Variants in MTF2 observed in about 807,000 individuals in gnomAD.
The protein encoded by MTF2 is metal-response element-binding transcription factor 2.
MTF2 carries 11 observed loss-of-function variants against 79.5 expected under a neutral mutation model. The observed-to-expected ratio is 0.14, with a 90% CI of 0.09 to 0.23. The LOEUF is 0.23. Among genes scored for constraint, MTF2 ranks in the 10% least tolerant of loss-of-function variants. The pLI is 1.00. For synonymous variants in MTF2, 208 were observed against 232.8 expected, an observed-to-expected ratio of 0.89 and a Z score of 0.97; for missense variants, 486 against 711.2, an observed-to-expected ratio of 0.68 and a Z score of 3.60.
chr1:93,094,010 T>G (rs1655180185), intron 1 of MTF2, among the ~76,000 whole-genome samples: 1 of 152,234 alleles, frequency 6.6e-6, no homozygotes, highest in Admixed American at 6.5e-5. Flanking sequence ...CTATAATGAT[T>G]ATTATTCTCA....
chr1:93,127,446 G>C, intron 10 of MTF2, 147 bp downstream of exon 10: 1 of 547,962 alleles, frequency 1.8e-6, no homozygotes, highest in Non-Finnish European at 3.2e-6. Context: ...ATTTTAGTTA[G>C]ATTAAAGCAG....
chr1:93,122,839 A>C (rs951144814), intron 9 of MTF2, among the ~76,000 whole-genome samples: 27 of 152,122 alleles, frequency 1.8e-4, no homozygotes, highest in Admixed American at 7.2e-4. Context: ...ATTGGATTTT[A>C]GGGTGAGTTT....
In MTF2 at chr1:93,137,101, G is replaced by T; in HGVS notation, c.*74G>T. The T allele has an allele frequency of 3.9e-6, 5 of 1,273,378 alleles. No individual in the cohort carries two copies. Among genetic ancestry groups the T allele is most frequent in the Admixed American group, 2.3e-5 (1 of 43,028 alleles). 78.9% of individuals were successfully genotyped at this position (1,273,378 alleles called of 1,614,324 possible). On this transcript the variant is annotated 3_prime_UTR_variant, in exon 15 of 15. Coordinates refer to ENST00000370298, the MANE Select transcript of MTF2 (RefSeq NM_007358.4). ...CAGTTCAAAGCCCTAAAGGAGTCTGGCTTTTACTATCTTTCTTAAAAAAAA... is the reference window on the plus strand; with the variant it reads ...CAGTTCAAAGCCCTAAAGGAGTCTGTCTTTTACTATCTTTCTTAAAAAAAA...
At position 93,137,089 on chromosome 1, in the gene MTF2, T is replaced by A; in HGVS notation, c.*62T>A. ...TTTCTGTAGGTACAGTTCAAAGCCC[T>A]AAAGGAGTCTGGCTTTTACTATCTT... On this transcript the variant is annotated 3_prime_UTR_variant, in exon 15 of 15. Coordinates refer to ENST00000370298, the MANE Select transcript of MTF2 (RefSeq NM_007358.4). 3 of 1,355,280 alleles carry A rather than the reference T, an allele frequency of 2.2e-6. No individual in the cohort carries two copies. Among genetic ancestry groups the A allele is most frequent in the South Asian group, 1.4e-5 (1 of 71,094 alleles). The allele number at this position is 1,355,280 out of a possible 1,614,324, so 84.0% of individuals were successfully genotyped here. A position where few individuals can be genotyped will look rare whatever the true frequency, so the allele number is the denominator to read the frequency against.
intron 1 of MTF2, among the ~76,000 whole-genome samples, chr1:93,081,736 C>T (rs1486777378): frequency 6.6e-6 from 1 of 152,124 alleles, no homozygotes; most frequent in East Asian, 1.9e-4. Flanking sequence ...AGTACAGTAG[C>T]CACTAGCTGC....
At chr1:93,111,237 C>G (rs1656016552) in intron 3 of MTF2, among the ~76,000 whole-genome samples, 1 of 152,032 alleles carries the variant, frequency 6.6e-6, no homozygotes, top group Non-Finnish European at 1.5e-5. Context: ...GATGTTTTAC[C>G]AGGTACCTCT....
At chr1:93,090,008 G>C (rs1347095322) in intron 1 of MTF2, among the ~76,000 whole-genome samples, 1 of 151,664 alleles carries the variant, frequency 6.6e-6, no homozygotes, top group African/African-American at 2.4e-5. Flanking sequence ...ATGGAGTCTC[G>C]CTCTGTCCCC....
intron 10 of MTF2, 111 bp from the exon 11 acceptor site, chr1:93,129,167 T>C: frequency 1.6e-6 from 1 of 645,070 alleles, no homozygotes; most frequent in Non-Finnish European, 2.4e-6. Context: ...ATTTTTGTAG[T>C]ATTGGGTGGG....
At chr1:93,092,115 TCTC>T (rs1655097676) in intron 1 of MTF2, among the ~76,000 whole-genome samples, 1 of 152,188 alleles carries the variant, frequency 6.6e-6, no homozygotes, top group Non-Finnish European at 1.5e-5. Flanking sequence ...TGGTTTTTCT[TCTC>T]TTGAAATTTT....
At position 93,137,300 on chromosome 1, in the gene MTF2, A is replaced by C; in HGVS notation, c.*273A>C. On this transcript the variant is annotated 3_prime_UTR_variant, in exon 15 of 15. Transcript: ENST00000370298. Reference sequence around the variant, plus strand: ...GGATAGGATATTAAAAATGATTGAAACCCATGCATGGTGTTAGACAATTTT... The same window carrying C: ...GGATAGGATATTAAAAATGATTGAACCCCATGCATGGTGTTAGACAATTTT... The C allele has an allele frequency of 3.7e-6, 1 of 271,862 alleles. No homozygotes were observed. 16.8% of individuals were successfully genotyped at this position (271,862 alleles called of 1,614,324 possible). A position where few individuals can be genotyped will look rare whatever the true frequency, so the allele number is the denominator to read the frequency against.
intron 1 of MTF2, among the ~76,000 whole-genome samples, chr1:93,091,123 T>C (rs1557542159): frequency 6.6e-6 from 1 of 152,200 alleles, no homozygotes; most frequent in Non-Finnish European, 1.5e-5. Flanking sequence ...CTAAACCCCA[T>C]GCAGTCTGGC....
In MTF2 at chr1:93,115,074, GCAA is replaced by G. The variant is rs1273039199; in HGVS notation, c.479_481del (p.Thr160del). 4 of 1,603,224 alleles carry G rather than the reference GCAA, an allele frequency of 2.5e-6. No homozygotes were observed. Among genetic ancestry groups the G allele is most frequent in the East Asian group, 2.2e-5 (1 of 44,730 alleles). On this transcript the variant is annotated inframe_deletion, in exon 5 of 15. Transcript: ENST00000370298. The stretch of plus-strand genomic sequence containing the variant: ...ATGGCTCTGTCGGCAGTGTGTTTTT[GCAA>G]CAACAACAAAGGTATATTTTAAGTG...
Position 93,137,026 on chromosome 1 carries a change from G to A in MTF2, c.1781G>A (p.Ter594=). Residue 594 remains the stop codon, a stop_retained_variant, in exon 15 of 15, where the codon TGA becomes TAA. Coordinates refer to ENST00000370298, the MANE Select transcript of MTF2 (RefSeq NM_007358.4). ...GAATGGGAAGGAGCAACTGCATCCT[G>A]ACTGTAGGACTGAACATTATGTTCA... The part of the protein sequence containing the change: ...LVEWEGATAS[*] 23 of 1,610,766 alleles carry A rather than the reference G, an allele frequency of 1.4e-5. No individual in the cohort carries two copies. The highest frequency in any genetic ancestry group is 2.0e-5 in the Non-Finnish European group (23 of 1,177,548).
At chr1:93,083,120 C>T (rs986817269) in intron 1 of MTF2, among the ~76,000 whole-genome samples, 17 of 152,160 alleles carry the variant, frequency 1.1e-4, no homozygotes, top group African/African-American at 4.1e-4. Flanking sequence ...CTGGGGAGGC[C>T]TCAGGAAACT....
At chr1:93,103,488 A>G (rs1263057939) in intron 1 of MTF2, among the ~76,000 whole-genome samples, 1 of 151,566 alleles carries the variant, frequency 6.6e-6, no homozygotes, top group African/African-American at 2.4e-5. Context: ...GAGAAAATTT[A>G]TAGAATAATA....
At chr1:93,085,168 A>G (rs1171433340) in intron 1 of MTF2, among the ~76,000 whole-genome samples, 1 of 151,250 alleles carries the variant, frequency 6.6e-6, no homozygotes, top group East Asian at 1.9e-4. Context: ...TCCTAATTAC[A>G]TTACCTTTTT....
chr1:93,106,850 A>T (rs1655815162), intron 1 of MTF2, among the ~76,000 whole-genome samples: 2 of 152,164 alleles, frequency 1.3e-5, no homozygotes, highest in African/African-American at 4.8e-5. Flanking sequence ...GTTGATTGCT[A>T]ATAGAGTTAT....
intron 1 of MTF2, among the ~76,000 whole-genome samples, chr1:93,105,876 A>G (rs1306631507): frequency 6.6e-6 from 1 of 152,066 alleles, no homozygotes; most frequent in African/African-American, 2.4e-5. Context: ...TGGTTTGGCC[A>G]TGTTGACCAG....
At chr1:93,089,814 G>A (rs1001761252) in intron 1 of MTF2, among the ~76,000 whole-genome samples, 1 of 149,990 alleles carries the variant, frequency 6.7e-6, no homozygotes, top group Non-Finnish European at 1.5e-5. Flanking sequence ...GGATGTTCCT[G>A]TCTCAGCCTC....
Sources: allele counts gnomAD v4.1 joint callset (sites outside exome capture counted in the v4.1 genomes callset), GRCh38; gene constraint gnomAD v4.1.1; transcripts MANE v1.5; gene names NCBI Gene and HGNC (gene_info 2026-07-23, HGNC 2026-07-21).